PREP: variants seen among roughly 807,000 people sequenced by gnomAD.
PREP encodes the protein prolyl endopeptidase.
A neutral mutation model predicts 87.6 loss-of-function variants in PREP; 29 were observed. That is an observed-to-expected ratio of 0.33 (90% CI 0.25 to 0.45). The LOEUF is 0.45. Among genes scored for constraint, PREP ranks in the 20% least tolerant of loss-of-function variants. The pLI, the probability that PREP is intolerant of heterozygous loss-of-function variation, is 1.00. For synonymous variants in PREP, 337 were observed against 328.6 expected, an observed-to-expected ratio of 1.03 and a Z score of -0.28; for missense variants, 695 against 886.5, an observed-to-expected ratio of 0.78 and a Z score of 2.74.
intron 10 of PREP, among the ~76,000 whole-genome samples, chr6:105,301,255 G>A (rs765446008): frequency 1.1e-4 from 17 of 152,194 alleles, no homozygotes; most frequent in Non-Finnish European, 2.5e-4. Flanking sequence ...TCATAAAAGG[G>A]TGTTGAGCTC....
At chr6:105,376,585 G>C (rs1772693570) in intron 3 of PREP, among the ~76,000 whole-genome samples, 1 of 152,172 alleles carries the variant, frequency 6.6e-6, no homozygotes, top group South Asian at 2.1e-4. Context: ...GAAGAAGAAA[G>C]CAGACTTTTC....
chr6:105,358,176 TATG>T, intron 6 of PREP, among the ~76,000 whole-genome samples: 1 of 152,104 alleles, frequency 6.6e-6, no homozygotes, highest in Non-Finnish European at 1.5e-5. Flanking sequence ...ATCTACCATT[TATG>T]TAAATAAAAC....
At chr6:105,313,303 C>A (rs1770796577) in intron 10 of PREP, among the ~76,000 whole-genome samples, 1 of 152,112 alleles carries the variant, frequency 6.6e-6, no homozygotes, top group African/African-American at 2.4e-5. Context: ...TAACTCCAGG[C>A]AAAGCAAGTG....
At chr6:105,333,231 C>A (rs1346919737) in intron 8 of PREP, 83 bp downstream of exon 8, 22 of 1,320,440 alleles carry the variant, frequency 1.7e-5, no homozygotes, top group Non-Finnish European at 2.0e-5. Flanking sequence ...TGTAACAGAT[C>A]ACTAGAGAAT....
intron 10 of PREP, among the ~76,000 whole-genome samples, chr6:105,302,017 G>C (rs1001928072): frequency 2.0e-5 from 3 of 152,198 alleles, no homozygotes; most frequent in Admixed American, 6.5e-5. Context: ...CAGTAACCTG[G>C]TGTTTTGAGG....
At chr6:105,354,294 A>G (rs1772034432) in intron 6 of PREP, among the ~76,000 whole-genome samples, 1 of 152,232 alleles carries the variant, frequency 6.6e-6, no homozygotes, top group African/African-American at 2.4e-5. Context: ...CCCAGTGTAT[A>G]TAACTAGAAG....
In PREP at chr6:105,282,567, T is replaced by C; in HGVS notation, c.1565A>G (p.Asn522Ser). The change falls in exon 13 of 15, where the codon AAC becomes AGC. Residue 522 changes from asparagine (N) to serine (S), a missense_variant. This residue lies in a region of PREP where 35 missense variants were observed against 36.0 expected (regional missense o/e 0.97). Coordinates refer to ENST00000652536, the MANE Select transcript of PREP (RefSeq NM_002726.5). Reference sequence around the variant, plus strand: ...AAAGTCATCAAAGCAGTTTTGTTTGTTGGCCAAGATACCACCTACAGTGTG... The same window carrying C: ...AAAGTCATCAAAGCAGTTTTGTTTGCTGGCCAAGATACCACCTACAGTGTG... ...ETWHKGGILANKQNCFDDFQC... is the reference protein window; with the variant it reads ...ETWHKGGILASKQNCFDDFQC... 3 of 1,614,102 alleles carry C rather than the reference T, an allele frequency of 1.9e-6. No individual in the cohort carries two copies. In the South Asian group the frequency reaches 3.3e-5, roughly 18 times the overall value.
At chr6:105,339,903 T>G (rs1771591149) in intron 7 of PREP, among the ~76,000 whole-genome samples, 1 of 152,006 alleles carries the variant, frequency 6.6e-6, no homozygotes, top group Admixed American at 6.6e-5. Flanking sequence ...AGATCAAATG[T>G]GGTCTGATTT....
At chr6:105,364,912 A>C (rs1407369380) in intron 6 of PREP, among the ~76,000 whole-genome samples, 1 of 152,146 alleles carries the variant, frequency 6.6e-6, no homozygotes, top group Non-Finnish European at 1.5e-5. Flanking sequence ...GCAACAATTA[A>C]ATAAAAGCAA....
chr6:105,326,411 T>C (rs984484954), intron 9 of PREP, among the ~76,000 whole-genome samples: 2 of 152,188 alleles, frequency 1.3e-5, no homozygotes, highest in Non-Finnish European at 2.9e-5. Flanking sequence ...TGACTCAAGG[T>C]GCCAAAGTAA....
intron 7 of PREP, among the ~76,000 whole-genome samples, chr6:105,343,341 T>C (rs1771712051): frequency 6.6e-6 from 1 of 152,230 alleles, no homozygotes; most frequent in South Asian, 2.1e-4. Context: ...AAGCTGAAAC[T>C]GGATCCCTTC....
chr6:105,289,523 A>G (rs1770252034), intron 10 of PREP, among the ~76,000 whole-genome samples: 1 of 152,106 alleles, frequency 6.6e-6, no homozygotes, highest in African/African-American at 2.4e-5. Flanking sequence ...CCTTCTCTCC[A>G]CTATTGATAA....
In PREP at chr6:105,344,527, G is replaced by A. The variant is rs1348402631; in HGVS notation, c.823+8445C>T. On this transcript the variant is annotated intron_variant, in intron 7 of 14. Transcript: ENST00000652536. ...AAAAAAGGATGAGTTCATGTCCTTT[G>A]TAGGGACATGGATGAAGCTGGAAAC... 2.0e-5 allele frequency among the ~76,000 whole-genome samples: 3 copies of A among 150,762 alleles called. No homozygotes were observed. In the East Asian group the frequency reaches 5.8e-4, roughly 29 times the overall value.
chr6:105,305,048 C>T lies in PREP; in HGVS notation c.1318-16154G>A, dbSNP rs145135978. Among the ~76,000 whole-genome samples the T allele has an allele frequency of 5.3e-3, 810 of 152,256 alleles. 5 individuals carry two copies. Among genetic ancestry groups the T allele is most frequent in the South Asian group, 0.02 (98 of 4,830 alleles). On this transcript the variant is annotated intron_variant, in intron 10 of 14. Transcript: ENST00000652536. Reference sequence around the variant, plus strand: ...TGAGATTGCACCTGCATAATAAAAACCCAACAAGGATATGTGAAATCCATT... The same window carrying T: ...TGAGATTGCACCTGCATAATAAAAATCCAACAAGGATATGTGAAATCCATT...
intron 6 of PREP, among the ~76,000 whole-genome samples, chr6:105,362,175 T>C (rs1772266253): frequency 6.6e-6 from 1 of 152,186 alleles, no homozygotes; most frequent in Non-Finnish European, 1.5e-5. Flanking sequence ...CAATCTACTG[T>C]TGGGGTTGGG....
Position 105,325,789 on chromosome 6 carries a change from G to C in PREP, c.1214-2021C>G, listed in dbSNP as rs1771138961. Among the ~76,000 whole-genome samples the C allele has an allele frequency of 2.6e-5, 4 of 152,286 alleles. No individual in the cohort carries two copies. The South Asian group carries it at 8.3e-4, about 32-fold the overall frequency. Reference sequence around the variant, plus strand: ...GGTGGGGTTTGAAGAAAACATCCTAGACTCATAAACCAGAGTTGGTCAGGT... The same window carrying C: ...GGTGGGGTTTGAAGAAAACATCCTACACTCATAAACCAGAGTTGGTCAGGT... On this transcript the variant is annotated intron_variant, in intron 9 of 14. Coordinates refer to ENST00000652536, the MANE Select transcript of PREP (RefSeq NM_002726.5).
At chr6:105,357,427 T>C (rs950114419) in intron 6 of PREP, among the ~76,000 whole-genome samples, 8 of 152,362 alleles carry the variant, frequency 5.3e-5, no homozygotes, top group African/African-American at 1.9e-4. Flanking sequence ...TGTAGCAGTT[T>C]ATACTTAATC....
rs1769875119 is a variant in PREP, at chr6:105,273,796, C to G, written c.*4348G>C. 6.5e-6 allele frequency: 1 copy of G among 153,444 alleles called. No homozygotes were observed. The highest frequency in any genetic ancestry group is 6.5e-5 in the Admixed American group (1 of 15,314). 9.5% of individuals were successfully genotyped at this position (153,444 alleles called of 1,614,324 possible). A position where few individuals can be genotyped will look rare whatever the true frequency, so the allele number is the denominator to read the frequency against. ...CCAGGCCTCGCCTGGCTCCCTGTTC[C>G]CCCCACACTGGCTTCCTGCTCTTCC... is the stretch of plus-strand genomic sequence containing the variant. On this transcript the variant is annotated 3_prime_UTR_variant, in exon 15 of 15. Coordinates refer to ENST00000652536, the MANE Select transcript of PREP (RefSeq NM_002726.5).
In PREP at chr6:105,367,545, G is replaced by A. The variant is rs552743208; in HGVS notation, c.717+1358C>T. Reference sequence around the variant, plus strand: ...AAATATGCCGGGCGTAGTGGCGGGCGCCTGTAGTCCCAGCTACTTGGGAGG... The same window carrying A: ...AAATATGCCGGGCGTAGTGGCGGGCACCTGTAGTCCCAGCTACTTGGGAGG... On this transcript the variant is annotated intron_variant, in intron 6 of 14. Transcript: ENST00000652536. 9.9e-5 allele frequency among the ~76,000 whole-genome samples: 15 copies of A among 151,566 alleles called. No homozygotes were observed. The South Asian group carries it at 1.2e-3, about 13-fold the overall frequency.
Sources: allele counts gnomAD v4.1 joint callset (sites outside exome capture counted in the v4.1 genomes callset), GRCh38; gene constraint gnomAD v4.1.1; regional missense constraint gnomAD v4.1.1; transcripts MANE v1.5; gene names NCBI Gene and HGNC (gene_info 2026-07-23, HGNC 2026-07-21).